Variants in DLGAP2 observed in about 807,000 individuals in gnomAD.
The protein encoded by DLGAP2 is disks large-associated protein 2.
DLGAP2 carries 26 observed loss-of-function variants against 100.3 expected under a neutral mutation model. The ratio of observed to expected loss-of-function variants is 0.26; its 90% CI spans 0.19 to 0.36. The LOEUF (loss-of-function observed/expected upper bound fraction) is 0.36. Ranked by LOEUF, DLGAP2 falls within the 10% of genes least tolerant of loss-of-function variation. DLGAP2 has a pLI of 1.00. For synonymous variants in DLGAP2, 886 were observed against 630.1 expected, an observed-to-expected ratio of 1.41 and a Z score of -6.08; for missense variants, 1,858 against 1,453.2, an observed-to-expected ratio of 1.28 and a Z score of -4.53.
At chr8:1,421,485 C>T (rs1019478349) in intron 3 of DLGAP2, among the ~76,000 whole-genome samples, 8 of 152,170 alleles carry the variant, frequency 5.3e-5, no homozygotes, top group Non-Finnish European at 1.0e-4. Flanking sequence ...GAATCACTTT[C>T]ATGCTACGTA....
intron 3 of DLGAP2, among the ~76,000 whole-genome samples, chr8:1,492,803 AAGG>A (rs1203284894): frequency 6.6e-6 from 1 of 152,154 alleles, no homozygotes; most frequent in Non-Finnish European, 1.5e-5. Flanking sequence ...GGAGGCCAAT[AAGG>A]AGAAGGGCTG....
intron 2 of DLGAP2, among the ~76,000 whole-genome samples, chr8:1,200,849 A>G (rs2116757236): frequency 6.6e-6 from 1 of 152,288 alleles, no homozygotes; most frequent in South Asian, 2.1e-4. Context: ...GTTCCCACAT[A>G]TCGGTTTGGC....
chr8:1,001,412 C>T (rs1800952076), intron 2 of DLGAP2, among the ~76,000 whole-genome samples: 1 of 152,170 alleles, frequency 6.6e-6, no homozygotes, highest in African/African-American at 2.4e-5. Flanking sequence ...TTTTGACAAA[C>T]TTAAAGTAAT....
chr8:861,507 G>A (rs942876553), intron 1 of DLGAP2, among the ~76,000 whole-genome samples: 5 of 152,236 alleles, frequency 3.3e-5, no homozygotes, highest in Admixed American at 1.3e-4. Context: ...AGCTCCTGTC[G>A]TATTTCTTAC....
intron 3 of DLGAP2, among the ~76,000 whole-genome samples, chr8:1,470,595 C>G (rs1046733648): frequency 6.6e-6 from 1 of 152,158 alleles, no homozygotes; most frequent in African/African-American, 2.4e-5. Context: ...TGATGTTTGA[C>G]TAAATCCCAA....
chr8:1,250,164 C>T (rs1018556831), intron 2 of DLGAP2, among the ~76,000 whole-genome samples: 2 of 152,150 alleles, frequency 1.3e-5, no homozygotes, highest in African/African-American at 4.8e-5. Flanking sequence ...CAGGCGTGAG[C>T]CACCATGCCC....
intron 13 of DLGAP2, among the ~76,000 whole-genome samples, chr8:1,695,970 G>A (rs1251370353): frequency 6.6e-6 from 1 of 152,252 alleles, no homozygotes; most frequent in African/African-American, 2.4e-5. Flanking sequence ...CCCTCGTGTG[G>A]CTGCAGAGAA....
intron 2 of DLGAP2, among the ~76,000 whole-genome samples, chr8:1,055,810 G>T (rs1802866135): frequency 6.6e-6 from 1 of 152,222 alleles, no homozygotes. Flanking sequence ...AGGGGCACCT[G>T]AGTCAGGCTC....
intron 3 of DLGAP2, among the ~76,000 whole-genome samples, chr8:1,323,618 C>A (rs192032012): frequency 2.2e-4 from 33 of 152,336 alleles, no homozygotes; most frequent in African/African-American, 7.7e-4. Context: ...GATGCAGATA[C>A]GGAGCGGGCA....
intron 3 of DLGAP2, among the ~76,000 whole-genome samples, chr8:1,472,490 C>G (rs1346595644): frequency 6.6e-6 from 1 of 152,094 alleles, no homozygotes; most frequent in African/African-American, 2.4e-5. Flanking sequence ...TTTGAAATCA[C>G]TAAACAAGGA....
intron 2 of DLGAP2, among the ~76,000 whole-genome samples, chr8:919,381 T>C (rs1798661012): frequency 6.6e-6 from 1 of 152,144 alleles, no homozygotes; most frequent in Admixed American, 6.5e-5. Flanking sequence ...GTCTTTCTTG[T>C]TTGCCTAAAG....
At chr8:1,177,135 G>A (rs17065732) in intron 2 of DLGAP2, among the ~76,000 whole-genome samples, 5,601 of 152,198 alleles carry the variant, frequency 0.037, 256 homozygotes, top group African/African-American at 0.11. Flanking sequence ...CCCAGCCTTC[G>A]AGTGGACGCA....
At chr8:1,173,125 T>C (rs1454429116) in intron 2 of DLGAP2, among the ~76,000 whole-genome samples, 2 of 152,252 alleles carry the variant, frequency 1.3e-5, no homozygotes, top group East Asian at 1.9e-4. Context: ...TGCAGGTCTG[T>C]TGGAGTTTGC....
At chr8:782,456 C>A (rs1229216276) in intron 1 of DLGAP2, among the ~76,000 whole-genome samples, 1 of 152,104 alleles carries the variant, frequency 6.6e-6, no homozygotes, top group East Asian at 1.9e-4. Context: ...GTTAGATATT[C>A]CATGCCATTT....
At chr8:1,386,063 T>G (rs542656656) in intron 3 of DLGAP2, among the ~76,000 whole-genome samples, 1 of 152,324 alleles carries the variant, frequency 6.6e-6, no homozygotes, top group South Asian at 2.1e-4. Flanking sequence ...CCACGGGATT[T>G]TGAAAATAAA....
intron 2 of DLGAP2, among the ~76,000 whole-genome samples, chr8:1,107,181 C>T (rs772826920): frequency 6.6e-6 from 1 of 152,192 alleles, no homozygotes; most frequent in Non-Finnish European, 1.5e-5. Flanking sequence ...AGAGCAGAGG[C>T]TTTGCAGTGC....
chr8:1,432,983 T>C (rs77819677), intron 3 of DLGAP2, among the ~76,000 whole-genome samples: 32,204 of 151,956 alleles, frequency 0.21, 3,808 homozygotes, highest in Middle Eastern at 0.28. Flanking sequence ...GCTCCAGGAC[T>C]CACAGGCGGC....
intron 3 of DLGAP2, among the ~76,000 whole-genome samples, chr8:1,481,943 C>T (rs1267565984): frequency 3.9e-5 from 6 of 152,158 alleles, no homozygotes; most frequent in African/African-American, 4.8e-5. Flanking sequence ...ATGCCAGGGT[C>T]CCCCCGTGGA....
chr8:1,020,724 G>C (rs114698243), intron 2 of DLGAP2, among the ~76,000 whole-genome samples: 23 of 152,360 alleles, frequency 1.5e-4, no homozygotes, highest in African/African-American at 5.5e-4. Context: ...ACATTAAAGA[G>C]TAGCCATCTG....
Sources: gnomAD v4.1 joint callset for allele counts (sites outside exome capture counted in the v4.1 genomes callset) on GRCh38, gnomAD v4.1.1 for gene constraint, MANE v1.5 for transcripts, NCBI Gene and HGNC (gene_info 2026-07-23, HGNC 2026-07-21) for gene names.